The following ZFAND3 variants were observed in gnomAD, a reference collection of about 807,000 sequenced individuals.
The protein encoded by ZFAND3 is zinc finger AN1-type containing 3, also known as AN1-type zinc finger protein 3.
ZFAND3 carries 10 observed loss-of-function variants against 29.6 expected under a neutral mutation model. The ratio of observed to expected loss-of-function variants is 0.34; its 90% CI spans 0.21 to 0.57. The LOEUF (loss-of-function observed/expected upper bound fraction) is 0.57. Ranked by LOEUF, ZFAND3 falls within the 20% of genes least tolerant of loss-of-function variation. The pLI is 0.86. For synonymous variants in ZFAND3, 128 were observed against 112.6 expected (o/e 1.14, Z -0.87); for missense variants, 230 against 304.5 (o/e 0.76, Z 1.82).
chr6:38,012,199 C>CAG (rs1763167397), intron 2 of ZFAND3, among the ~76,000 whole-genome samples: 1 of 151,910 alleles, frequency 6.6e-6, no homozygotes, highest in Non-Finnish European at 1.5e-5. Flanking sequence ...TCAAGAAGCA[C>CAG]AGAGGGAGAC....
intron 1 of ZFAND3, among the ~76,000 whole-genome samples, chr6:37,919,731 CTACTATT>C (rs1262695366): frequency 2.0e-5 from 3 of 152,158 alleles, no homozygotes; most frequent in Non-Finnish European, 4.4e-5. Context: ...TCAATGGCAG[CTACTATT>C]TGTAATCACT....
intron 1 of ZFAND3, among the ~76,000 whole-genome samples, chr6:37,861,788 T>A (rs1158593062): frequency 6.6e-6 from 1 of 152,250 alleles, no homozygotes; most frequent in East Asian, 1.9e-4. Flanking sequence ...AAAATTTACT[T>A]AGAAATACTT....
chr6:38,111,594 C>G (rs957931537), intron 4 of ZFAND3, among the ~76,000 whole-genome samples: 1 of 152,150 alleles, frequency 6.6e-6, no homozygotes, highest in Non-Finnish European at 1.5e-5. Context: ...TTCGATGATC[C>G]ACTTTCACTT....
At chr6:38,137,163 G>A (rs1303190241) in intron 5 of ZFAND3, among the ~76,000 whole-genome samples, 2 of 152,228 alleles carry the variant, frequency 1.3e-5, no homozygotes, top group African/African-American at 4.8e-5. Context: ...GGACATTTCT[G>A]GGTTACCTCT....
chr6:37,983,646 AC>A (rs1183415727), intron 2 of ZFAND3, among the ~76,000 whole-genome samples: 1 of 150,886 alleles, frequency 6.6e-6, no homozygotes, highest in African/African-American at 2.4e-5. Context: ...GGCGTGAGCC[AC>A]CCCCCACCCC....
At chr6:37,905,931 A>G (rs1248635249) in intron 1 of ZFAND3, among the ~76,000 whole-genome samples, 1 of 152,160 alleles carries the variant, frequency 6.6e-6, no homozygotes, top group Non-Finnish European at 1.5e-5. Flanking sequence ...CTATAATATG[A>G]TCTATGGTAT....
At chr6:38,043,727 T>C (rs1230171848) in intron 2 of ZFAND3, among the ~76,000 whole-genome samples, 1 of 152,060 alleles carries the variant, frequency 6.6e-6, no homozygotes. Flanking sequence ...TCCTCCTGCC[T>C]CAGTCTCCTG....
At chr6:38,001,448 A>T (rs1212566864) in intron 2 of ZFAND3, among the ~76,000 whole-genome samples, 1 of 152,170 alleles carries the variant, frequency 6.6e-6, no homozygotes, top group Non-Finnish European at 1.5e-5. Flanking sequence ...AATGATCTCC[A>T]TCCTGGTGTT....
chr6:37,946,340 G>T (rs907885708), intron 2 of ZFAND3, among the ~76,000 whole-genome samples: 3 of 152,130 alleles, frequency 2.0e-5, no homozygotes, highest in Non-Finnish European at 4.4e-5. Context: ...TAGCGCTTTT[G>T]TCTTTTGCAT....
chr6:37,892,813 T>C (rs1476337605), intron 1 of ZFAND3, among the ~76,000 whole-genome samples: 3 of 152,116 alleles, frequency 2.0e-5, no homozygotes, highest in Admixed American at 1.3e-4. Context: ...TATAAAAGAA[T>C]ACTGTGAACA....
chr6:38,018,743 G>A (rs1763294273), intron 2 of ZFAND3, among the ~76,000 whole-genome samples: 1 of 152,124 alleles, frequency 6.6e-6, no homozygotes. Context: ...CAACTCTCCA[G>A]TTATTATTTG....
chr6:38,041,669 TCTTCTTCTTCTTCTTCTC>T (rs1561976709), intron 2 of ZFAND3, among the ~76,000 whole-genome samples: 4 of 22,966 alleles, frequency 1.7e-4, no homozygotes, highest in African/African-American at 4.8e-4. Context: ...TTCTTCTTCT[TCTTCTTCTTCTTCTTCTC>T]CTTCTCCTTC....
intron 1 of ZFAND3, among the ~76,000 whole-genome samples, chr6:37,860,183 T>G (rs1293654271): frequency 6.6e-6 from 1 of 150,634 alleles, no homozygotes; most frequent in Non-Finnish European, 1.5e-5. Context: ...AAAGAGTTTT[T>G]TTTTTTTTTT....
At chr6:37,977,828 T>TTTTCTTCC (rs70981515) in intron 2 of ZFAND3, among the ~76,000 whole-genome samples, 7,941 of 76,414 alleles carry the variant, frequency 0.1, 1,481 homozygotes, top group East Asian at 0.25. Context: ...GTAAAATGCT[T>TTTTCTTCC]TTCCTTCCTT....
chr6:37,836,903 C>A (rs1561905711), intron 1 of ZFAND3, among the ~76,000 whole-genome samples: 1 of 152,174 alleles, frequency 6.6e-6, no homozygotes, highest in Non-Finnish European at 1.5e-5. Flanking sequence ...CTAACCATCT[C>A]TCTCAGCTTT....
intron 2 of ZFAND3, among the ~76,000 whole-genome samples, chr6:38,045,201 C>G (rs547292210): frequency 6.6e-6 from 1 of 151,934 alleles, no homozygotes; most frequent in South Asian, 2.1e-4. Context: ...AGTCCTCCTG[C>G]TTCAGCCTCC....
At chr6:38,129,787 GC>G (rs1392188369) in intron 5 of ZFAND3, among the ~76,000 whole-genome samples, 1 of 139,586 alleles carries the variant, frequency 7.2e-6, no homozygotes, top group Non-Finnish European at 1.5e-5. Context: ...ATTTAGACTT[GC>G]TTTGGATATG....
At chr6:38,118,773 A>C (rs1000097557) in intron 5 of ZFAND3, among the ~76,000 whole-genome samples, 10 of 151,532 alleles carry the variant, frequency 6.6e-5, no homozygotes, top group South Asian at 2.1e-4. Flanking sequence ...AGAAAAAAAA[A>C]AAAACAGTAA....
chr6:37,920,130 T>G (rs1761350367), intron 1 of ZFAND3, among the ~76,000 whole-genome samples: 1 of 151,400 alleles, frequency 6.6e-6, no homozygotes, highest in South Asian at 2.1e-4. Flanking sequence ...AGTAAGGATT[T>G]AATTGTAAAG....
Sources: gnomAD v4.1 joint callset for allele counts (sites outside exome capture counted in the v4.1 genomes callset) on GRCh38, gnomAD v4.1.1 for gene constraint, MANE v1.5 for transcripts, NCBI Gene and HGNC (gene_info 2026-07-23, HGNC 2026-07-21) for gene names.